The following GREB1L variants were observed in gnomAD, a reference collection of about 807,000 sequenced individuals.
GREB1L encodes the protein GREB1 like retinoic acid receptor coactivator, also known as GREB1-like protein.
GREB1L carries 17 observed loss-of-function variants against 200.8 expected under a neutral mutation model. The observed-to-expected ratio is 0.08, with a 90% CI of 0.06 to 0.13. The LOEUF (loss-of-function observed/expected upper bound fraction) is 0.13. Ranked by LOEUF, GREB1L falls within the 10% of genes least tolerant of loss-of-function variation. The probability of loss-of-function intolerance (pLI) is 1.00; values close to 1 mark genes in which losing one functional copy is unlikely to be tolerated. For synonymous variants in GREB1L, 789 were observed against 893.0 expected (o/e 0.88, Z 2.08); for missense variants, 1,657 against 2,367.7 (o/e 0.70, Z 6.23).
At chr18:21,313,011 T>A (rs1406604252) in intron 1 of GREB1L, among the ~76,000 whole-genome samples, 1 of 152,152 alleles carries the variant, frequency 6.6e-6, no homozygotes, top group African/African-American at 2.4e-5. Flanking sequence ...GCCCACTTTT[T>A]AATTGTTAAA....
At chr18:21,355,193 ATTT>A (rs113751730) in intron 1 of GREB1L, among the ~76,000 whole-genome samples, 2 of 139,414 alleles carry the variant, frequency 1.4e-5, no homozygotes, top group Non-Finnish European at 1.6e-5. Flanking sequence ...CTTTTGTTAA[ATTT>A]TTTTTTTTTT....
At chr18:21,363,409 A>C (rs2039612051) in intron 1 of GREB1L, among the ~76,000 whole-genome samples, 1 of 147,018 alleles carries the variant, frequency 6.8e-6, no homozygotes, top group African/African-American at 2.5e-5. Flanking sequence ...ACAAATAATC[A>C]CTCTTTTCTG....
At chr18:21,521,141 G>A (rs1439836751) in intron 32 of GREB1L, among the ~76,000 whole-genome samples, 1 of 152,078 alleles carries the variant, frequency 6.6e-6, no homozygotes, top group Non-Finnish European at 1.5e-5. Flanking sequence ...AGCTTGTAGT[G>A]AGCTGAGATC....
At chr18:21,341,209 A>G (rs1305027049) in intron 1 of GREB1L, among the ~76,000 whole-genome samples, 3 of 152,314 alleles carry the variant, frequency 2.0e-5, no homozygotes, top group East Asian at 1.9e-4. Flanking sequence ...GTCAGCAAAT[A>G]AGGAGCTATC....
intron 1 of GREB1L, among the ~76,000 whole-genome samples, chr18:21,294,372 A>G (rs1267878011): frequency 1.3e-5 from 2 of 152,074 alleles, no homozygotes; most frequent in Non-Finnish European, 2.9e-5. Flanking sequence ...TAGAAGCTCA[A>G]GAGATGCTTC....
At chr18:21,254,384 A>G (rs1294334372) in intron 1 of GREB1L, among the ~76,000 whole-genome samples, 2 of 151,770 alleles carry the variant, frequency 1.3e-5, no homozygotes, top group Non-Finnish European at 2.9e-5. Context: ...TGGGCTTTTT[A>G]AGCTGGTCTG....
intron 1 of GREB1L, among the ~76,000 whole-genome samples, chr18:21,287,541 A>G (rs2038377409): frequency 6.6e-6 from 1 of 152,218 alleles, no homozygotes; most frequent in Non-Finnish European, 1.5e-5. Context: ...AATTTAAAAC[A>G]TAGCCAATAT....
intron 12 of GREB1L, 62 bp from the exon 13 acceptor site, chr18:21,450,961 A>G (rs2034492218): frequency 1.3e-6 from 2 of 1,493,424 alleles, no homozygotes; most frequent in Non-Finnish European, 1.8e-6. Flanking sequence ...TGCCATTATA[A>G]GTAATGTTCC....
In GREB1L at chr18:21,449,499, C is replaced by T. The variant is rs2034411100; in HGVS notation, c.1394-11C>T. The T allele has an allele frequency of 3.4e-6, 5 of 1,472,776 alleles. No homozygotes were observed. The highest frequency in any genetic ancestry group is 4.6e-6 in the Non-Finnish European group (5 of 1,095,802). The allele number at this position is 1,472,776 out of a possible 1,614,324, so 91.2% of individuals were successfully genotyped here. On this transcript the variant is annotated splice_polypyrimidine_tract_variant and intron_variant, in intron 11 of 32. Coordinates refer to ENST00000424526, the MANE Select transcript of GREB1L (RefSeq NM_001142966.3). ...TTCTTTAAATTCCAGCTGTAATTCT[C>T]TTCTATATAGGTCCTGATCAGGTAC...
At chr18:21,268,560 C>CACACACACACATAT (rs1204514384) in intron 1 of GREB1L, among the ~76,000 whole-genome samples, 1 of 63,528 alleles carries the variant, frequency 1.6e-5, no homozygotes, top group Non-Finnish European at 2.7e-5. Flanking sequence ...CACACACACA[C>CACACACACACATAT]ATATATATAT....
chr18:21,306,111 A>T (rs1345257329), intron 1 of GREB1L, among the ~76,000 whole-genome samples: 1 of 152,184 alleles, frequency 6.6e-6, no homozygotes, highest in African/African-American at 2.4e-5. Flanking sequence ...GTAATTCGCC[A>T]TCCCCACTAG....
chr18:21,397,541 A>AT (rs531785124), intron 5 of GREB1L, among the ~76,000 whole-genome samples: 18,584 of 125,104 alleles, frequency 0.15, 1,828 homozygotes, highest in East Asian at 0.27. Context: ...AAAAAAAAAA[A>AT]AATAATAATA....
chr18:21,316,557 C>T (rs2038871450), intron 1 of GREB1L, among the ~76,000 whole-genome samples: 1 of 152,118 alleles, frequency 6.6e-6, no homozygotes, highest in South Asian at 2.1e-4. Context: ...CTGTTTTATC[C>T]ACATGCTTTT....
chr18:21,285,903 A>AT (rs2038347548), intron 1 of GREB1L, among the ~76,000 whole-genome samples: 1 of 152,196 alleles, frequency 6.6e-6, no homozygotes, highest in African/African-American at 2.4e-5. Context: ...TTCAGTGTTC[A>AT]GATTACCTGA....
chr18:21,316,667 T>C (rs1171762238), intron 1 of GREB1L, among the ~76,000 whole-genome samples: 4 of 152,182 alleles, frequency 2.6e-5, no homozygotes, highest in Non-Finnish European at 5.9e-5. Flanking sequence ...TAGATAATAG[T>C]TTCAGAAGTT....
chr18:21,425,064 A>G (rs1311693631), intron 7 of GREB1L, among the ~76,000 whole-genome samples: 3 of 152,230 alleles, frequency 2.0e-5, no homozygotes, highest in Non-Finnish European at 4.4e-5. Flanking sequence ...ATTTTTTAAT[A>G]GGTAAGTTGA....
At chr18:21,359,170 CAG>C in intron 1 of GREB1L, among the ~76,000 whole-genome samples, 1 of 152,254 alleles carries the variant, frequency 6.6e-6, no homozygotes, top group Non-Finnish European at 1.5e-5. Context: ...AATAAGAAAT[CAG>C]GGGCTGGGCA....
chr18:21,417,585 A>T (rs534798842), intron 7 of GREB1L, among the ~76,000 whole-genome samples: 1 of 152,122 alleles, frequency 6.6e-6, no homozygotes, highest in East Asian at 1.9e-4. Context: ...CGTACAAAAT[A>T]TGGAATAGTT....
chr18:21,269,082 A>G (rs2038037683), intron 1 of GREB1L, among the ~76,000 whole-genome samples: 1 of 152,198 alleles, frequency 6.6e-6, no homozygotes, highest in South Asian at 2.1e-4. Flanking sequence ...GTGAGTAGTT[A>G]TAAATGCTAA....
Sources: gnomAD v4.1 joint callset for allele counts (sites outside exome capture counted in the v4.1 genomes callset) on GRCh38, gnomAD v4.1.1 for gene constraint, MANE v1.5 for transcripts, NCBI Gene and HGNC (gene_info 2026-07-23, HGNC 2026-07-21) for gene names.